Variants in MAP4K5 observed in about 807,000 individuals in gnomAD.
MAP4K5 encodes the protein mitogen-activated protein kinase kinase kinase kinase 5, also known as MAPK/ERK kinase kinase kinase 5.
MAP4K5 carries 82 observed loss-of-function variants against 135.6 expected under a neutral mutation model. The ratio of observed to expected loss-of-function variants is 0.60; its 90% confidence interval spans 0.51 to 0.73. MAP4K5 has a LOEUF of 0.73. Ranked by LOEUF, MAP4K5 falls within the 30% of genes least tolerant of loss-of-function variation. The pLI, the probability that MAP4K5 is intolerant of heterozygous loss-of-function variation, is 0.00. For synonymous variants in MAP4K5, 347 were observed against 335.0 expected (o/e 1.04, Z -0.39); for missense variants, 907 against 1,010.9 (o/e 0.90, Z 1.39).
chr14:50,467,518 T>C (rs1733924296), intron 10 of MAP4K5, among the ~76,000 whole-genome samples: 1 of 152,086 alleles, frequency 6.6e-6, no homozygotes, highest in Non-Finnish European at 1.5e-5. Flanking sequence ...ATTTTCCATT[T>C]TGCTTTGGTT....
chr14:50,528,635 A>G (rs2140117132), intron 2 of MAP4K5, among the ~76,000 whole-genome samples: 1 of 152,164 alleles, frequency 6.6e-6, no homozygotes, highest in South Asian at 2.1e-4. Context: ...AGGAGAGAGA[A>G]TCCCTTAAGC....
At position 50,504,831 on chromosome 14, in the gene MAP4K5, C is replaced by A; in HGVS notation, c.135G>T (p.Leu45=). 1 of 1,557,218 alleles carries A rather than the reference C, an allele frequency of 6.4e-7. No individual in the cohort carries two copies. The highest frequency in any genetic ancestry group is 2.4e-5 in the East Asian group (1 of 41,772). ...CCAATTTAATGATTTTTACTGCAGC[C>A]AGCTCTCCTGTGTGTACATTTCTGG... The part of the protein sequence containing the change: ...YKARNVHTGE[L]AAVKIIKLEP... Residue 45 remains leucine (L), a synonymous_variant, in exon 3 of 33, where the codon CTG becomes CTT. Coordinates refer to ENST00000682126, the MANE Select transcript of MAP4K5 (RefSeq NM_006575.6).
chr14:50,560,329 T>C, intron 1 of MAP4K5: 2 of 1,612,374 alleles, frequency 1.2e-6, no homozygotes, highest in Non-Finnish European at 1.7e-6. Context: ...TTCTGCAGCC[T>C]GCACGGGGTC....
chr14:50,431,962 A>G (rs915139837), intron 28 of MAP4K5, among the ~76,000 whole-genome samples: 2 of 152,230 alleles, frequency 1.3e-5, no homozygotes, highest in Non-Finnish European at 1.5e-5. Context: ...AGAATTTTAT[A>G]TAATATTTTG....
At chr14:50,444,973 G>C (rs781612315) in intron 18 of MAP4K5, 68 bp downstream of exon 18, 40 of 1,478,484 alleles carry the variant, frequency 2.7e-5, no homozygotes, top group Non-Finnish European at 3.4e-5. Flanking sequence ...TTTTCACTTT[G>C]ATTTATTCAC....
At chr14:50,542,188 G>C (rs2038572631) in intron 2 of MAP4K5, among the ~76,000 whole-genome samples, 1 of 150,496 alleles carries the variant, frequency 6.6e-6, no homozygotes, top group African/African-American at 2.5e-5. Context: ...TAGAAATTGG[G>C]AGTTACCCTG....
chr14:50,426,802 AG>A (rs780902306), intron 30 of MAP4K5, among the ~76,000 whole-genome samples: 1 of 152,244 alleles, frequency 6.6e-6, no homozygotes, highest in African/African-American at 2.4e-5. Flanking sequence ...TTGAATATTT[AG>A]GATCTGTGAG....
At chr14:50,484,973 A>G (rs1225060385) in intron 5 of MAP4K5, among the ~76,000 whole-genome samples, 1 of 152,164 alleles carries the variant, frequency 6.6e-6, no homozygotes, top group Non-Finnish European at 1.5e-5. Flanking sequence ...GAAAAATTAT[A>G]AGGATCTATG....
chr14:50,548,986 C>T (rs2038668789), intron 1 of MAP4K5, among the ~76,000 whole-genome samples: 1 of 152,204 alleles, frequency 6.6e-6, no homozygotes, highest in Non-Finnish European at 1.5e-5. Flanking sequence ...AAGCCCGTCT[C>T]TGGGGTGGCA....
intron 32 of MAP4K5, among the ~76,000 whole-genome samples, chr14:50,421,386 G>C (rs2035728119): frequency 6.6e-6 from 1 of 151,802 alleles, no homozygotes; most frequent in Non-Finnish European, 1.5e-5. Flanking sequence ...AGCCTCCCGA[G>C]TAGCTGGGAT....
intron 12 of MAP4K5, among the ~76,000 whole-genome samples, chr14:50,463,549 G>A (rs2139814882): frequency 6.6e-6 from 1 of 152,144 alleles, no homozygotes; most frequent in East Asian, 1.9e-4. Flanking sequence ...GAGGCTGTAT[G>A]GCCCACAAAG....
chr14:50,444,313 C>T (rs1487444758), intron 18 of MAP4K5, among the ~76,000 whole-genome samples: 2 of 152,144 alleles, frequency 1.3e-5, no homozygotes, highest in African/African-American at 4.8e-5. Flanking sequence ...TATAATTGAA[C>T]TTCAATCCAC....
At chr14:50,453,761 A>T (rs1399463603) in intron 14 of MAP4K5, among the ~76,000 whole-genome samples, 1 of 152,118 alleles carries the variant, frequency 6.6e-6, no homozygotes, top group Non-Finnish European at 1.5e-5. Context: ...GCATTAAGTC[A>T]TCATTTAAAA....
chr14:50,521,160 C>G (rs1270921203), intron 2 of MAP4K5, among the ~76,000 whole-genome samples: 1 of 152,116 alleles, frequency 6.6e-6, no homozygotes, highest in Non-Finnish European at 1.5e-5. Context: ...AGCCTGGGCT[C>G]TGAATGGAAA....
chr14:50,468,923 A>T (rs1283805630), intron 9 of MAP4K5, 141 bp from the exon 10 acceptor site: 2 of 672,998 alleles, frequency 3.0e-6, no homozygotes, highest in Non-Finnish European at 2.5e-6. Flanking sequence ...TACTAAGTAA[A>T]GGCTTAAATC....
chr14:50,526,678 T>C (rs1407825128), intron 2 of MAP4K5, among the ~76,000 whole-genome samples: 2 of 152,232 alleles, frequency 1.3e-5, no homozygotes, highest in Non-Finnish European at 2.9e-5. Flanking sequence ...TCCTAACACA[T>C]TGTCAGCACT....
intron 1 of MAP4K5, among the ~76,000 whole-genome samples, chr14:50,544,098 A>C (rs1024595970): frequency 6.6e-6 from 1 of 152,216 alleles, no homozygotes; most frequent in African/African-American, 2.4e-5. Flanking sequence ...CCAGGTATTC[A>C]CTAGGGTGTC....
At chr14:50,471,346 T>G (rs1355514126) in intron 9 of MAP4K5, among the ~76,000 whole-genome samples, 1 of 152,152 alleles carries the variant, frequency 6.6e-6, no homozygotes, top group African/African-American at 2.4e-5. Context: ...AGTGAAGCAG[T>G]GAGAGTAAAG....
rs75203644 is a variant in MAP4K5 at position 50,525,347 on chromosome 14, C to A, written c.108+6595G>T. 8.8e-3 allele frequency among the ~76,000 whole-genome samples: 1,344 copies of A among 152,350 alleles called. 21 individuals carry two copies. Among genetic ancestry groups the A allele is most frequent in the African/African-American group, 0.03 (1,261 of 41,568 alleles). On this transcript the variant is annotated intron_variant, in intron 2 of 32. Coordinates refer to ENST00000682126, the MANE Select transcript of MAP4K5 (RefSeq NM_006575.6). ...ATCAATTACCCTTCTCCTCCTGCCCCTCACCGATTACCAGGTGTTTTTGAT... is the reference window on the plus strand; with the variant it reads ...ATCAATTACCCTTCTCCTCCTGCCCATCACCGATTACCAGGTGTTTTTGAT...
Sources: allele counts gnomAD v4.1 joint callset (sites outside exome capture counted in the v4.1 genomes callset), GRCh38; gene constraint gnomAD v4.1.1; transcripts MANE v1.5; gene names NCBI Gene and HGNC (gene_info 2026-07-23, HGNC 2026-07-21).